SLC39A14: variants seen among roughly 807,000 people sequenced by gnomAD.
SLC39A14 encodes metal cation symporter ZIP14.
A neutral mutation model predicts 45.5 loss-of-function variants in SLC39A14; 19 were observed. The observed-to-expected ratio is 0.42, with a 90% confidence interval of 0.29 to 0.61. SLC39A14 has a LOEUF of 0.61. Ranked by LOEUF, SLC39A14 falls within the 20% of genes least tolerant of loss-of-function variation. The pLI, the probability that SLC39A14 is intolerant of heterozygous loss-of-function variation, is 0.22. For synonymous variants in SLC39A14, 264 were observed against 251.3 expected, an observed-to-expected ratio of 1.05 and a Z score of -0.48; for missense variants, 447 against 616.5, an observed-to-expected ratio of 0.73 and a Z score of 2.91.
At chr8:22,433,644 C>T (rs1337700402) in intron 8 of SLC39A14, among the ~76,000 whole-genome samples, 2 of 151,460 alleles carry the variant, frequency 1.3e-5, no homozygotes, top group Non-Finnish European at 2.9e-5. Context: ...CAGAGACCGC[C>T]CACCTCAGCC....
At chr8:22,380,867 G>T (rs1212220490) in intron 1 of SLC39A14, among the ~76,000 whole-genome samples, 1 of 152,066 alleles carries the variant, frequency 6.6e-6, no homozygotes, top group Non-Finnish European at 1.5e-5. Flanking sequence ...AGTAGAGACA[G>T]GGTTTTGCCA....
rs1334086642 is a variant in SLC39A14, at chr8:22,421,330, C to T, written c.*1632C>T. On this transcript the variant is annotated 3_prime_UTR_variant, in exon 9 of 9. Coordinates refer to ENST00000381237, the MANE Select transcript of SLC39A14 (RefSeq NM_001128431.4). ...TCTTCTTGGGAGACATCTGTCAAAC[C>T]AGGAATATTCTTGAAAAGAACGTGA... is the stretch of plus-strand genomic sequence containing the variant. 1.0e-6 allele frequency: 1 copy of T among 985,824 alleles called. No homozygotes were observed. Among genetic ancestry groups the T allele is most frequent in the Non-Finnish European group, 1.2e-6 (1 of 829,920 alleles). The allele number at this position is 985,824 out of a possible 1,614,324, so 61.1% of individuals were successfully genotyped here.
At chr8:22,428,441 C>CTTTTTTTTT (rs59846887) in intron 8 of SLC39A14, among the ~76,000 whole-genome samples, 8 of 116,408 alleles carry the variant, frequency 6.9e-5, no homozygotes, top group Non-Finnish European at 8.7e-5. Context: ...TTCATATGTT[C>CTTTTTTTTT]TTTTTTTTTT....
chr8:22,386,705 G>T (rs28459010), intron 1 of SLC39A14, among the ~76,000 whole-genome samples: 6,943 of 152,268 alleles, frequency 0.046, 367 homozygotes, highest in African/African-American at 0.13. Flanking sequence ...CCAGGTAAGA[G>T]ATTGTATTTT....
intron 1 of SLC39A14, among the ~76,000 whole-genome samples, chr8:22,381,295 GAC>G (rs936650076): frequency 3.7e-5 from 5 of 135,906 alleles, no homozygotes; most frequent in Non-Finnish European, 3.2e-5. Context: ...TTCTCCCCGA[GAC>G]AGAGTCTCGC....
At chr8:22,396,674 G>T (rs1333273897) in intron 1 of SLC39A14, among the ~76,000 whole-genome samples, 1 of 151,248 alleles carries the variant, frequency 6.6e-6, no homozygotes, top group Non-Finnish European at 1.5e-5. Flanking sequence ...TTCCTTCCAA[G>T]GGAGTCAGCC....
At chr8:22,371,376 T>C (rs893304961) in intron 1 of SLC39A14, among the ~76,000 whole-genome samples, 1 of 143,038 alleles carries the variant, frequency 7.0e-6, no homozygotes, top group Non-Finnish European at 1.5e-5. Context: ...ATAAAAAAAA[T>C]CAGATAAAAG....
chr8:22,421,524 A>G lies in SLC39A14; in HGVS notation c.*1826A>G. 1.0e-6 allele frequency: 1 copy of G among 985,608 alleles called. No homozygotes were observed. Among genetic ancestry groups the G allele is most frequent in the Non-Finnish European group, 1.2e-6 (1 of 829,734 alleles). The allele number at this position is 985,608 out of a possible 1,614,324, so 61.1% of individuals were successfully genotyped here. ...GATTATGGTCCAGTTTTACCAAAGA[A>G]CCAATTCCTTGAATGTTGGAATCTA... On this transcript the variant is annotated 3_prime_UTR_variant, in exon 9 of 9. Coordinates refer to ENST00000381237, the MANE Select transcript of SLC39A14 (RefSeq NM_001128431.4).
Position 22,415,956 on chromosome 8 carries a change from A to G in SLC39A14, c.938A>G (p.Gln313Arg), listed in dbSNP as rs759040347. The G allele has an allele frequency of 6.2e-7, 1 of 1,601,490 alleles. No individual in the cohort carries two copies. The highest frequency in any genetic ancestry group is 1.1e-5 in the South Asian group (1 of 90,296). The change falls in exon 6 of 9, where the codon CAG (glutamine) becomes CGG (arginine). Residue 313 changes from glutamine to arginine, a missense_variant and splice_region_variant. Physicochemically the swap from Gln to Arg is conservative, Grantham distance 43 (BLOSUM62 1). Coordinates refer to ENST00000381237, the MANE Select transcript of SLC39A14 (RefSeq NM_001128431.4). ...EKVIVGSLSV[Q>R]DLQASQSACY... is the part of the protein sequence containing the mutation. Reference sequence around the variant, plus strand: ...GTCATTGTGGGCTCGCTCTCTGTGCAGGTCAGTGGGCCACCAGCTGCTTGG... The same window carrying G: ...GTCATTGTGGGCTCGCTCTCTGTGCGGGTCAGTGGGCCACCAGCTGCTTGG...
chr8:22,402,477 TA>T (rs1321420974), intron 1 of SLC39A14, among the ~76,000 whole-genome samples: 1 of 152,044 alleles, frequency 6.6e-6, no homozygotes, highest in Non-Finnish European at 1.5e-5. Context: ...TGTTTTATCT[TA>T]AAAAATTCTG....
intron 6 of SLC39A14, 29 bp downstream of exon 6, chr8:22,415,986 G>A (rs1339622956): frequency 6.2e-7 from 1 of 1,601,156 alleles, no homozygotes. Context: ...GCTTGGTGGA[G>A]CCTCTAAGAG....
At chr8:22,374,740 C>CTTTT (rs67116858) in intron 1 of SLC39A14, among the ~76,000 whole-genome samples, 28 of 104,022 alleles carry the variant, frequency 2.7e-4, no homozygotes, top group African/African-American at 8.7e-4. Context: ...CCAGCCTGCT[C>CTTTT]TTTTTTTTTT....
At chr8:22,385,676 C>G (rs1372549013) in intron 1 of SLC39A14, among the ~76,000 whole-genome samples, 1 of 152,084 alleles carries the variant, frequency 6.6e-6, no homozygotes, top group African/African-American at 2.4e-5. Flanking sequence ...ACACAGTGGT[C>G]TATAGACCAG....
At chr8:22,407,224 G>A (rs1427324699) in intron 2 of SLC39A14, among the ~76,000 whole-genome samples, 3 of 152,174 alleles carry the variant, frequency 2.0e-5, no homozygotes, top group African/African-American at 2.4e-5. Context: ...GCAGAGCCCC[G>A]CCCTTAGACA....
chr8:22,380,218 G>T (rs1833433343), intron 1 of SLC39A14, among the ~76,000 whole-genome samples: 1 of 152,166 alleles, frequency 6.6e-6, no homozygotes, highest in Admixed American at 6.5e-5. Context: ...AGGGATGACT[G>T]TACCAGCAAC....
At chr8:22,376,494 T>A (rs142981828) in intron 1 of SLC39A14, among the ~76,000 whole-genome samples, 1 of 151,840 alleles carries the variant, frequency 6.6e-6, no homozygotes, top group African/African-American at 2.4e-5. Flanking sequence ...TGTTGGAGTA[T>A]TTTTTTACTG....
chr8:22,397,445 G>C (rs1481996297), intron 1 of SLC39A14, among the ~76,000 whole-genome samples: 1 of 152,214 alleles, frequency 6.6e-6, no homozygotes, highest in Non-Finnish European at 1.5e-5. Flanking sequence ...GGGCGTGGTG[G>C]TGGGCGCCTG....
intron 1 of SLC39A14, among the ~76,000 whole-genome samples, chr8:22,401,543 CTTTTTTTTTTTTTT>C (rs71544899): frequency 1.2e-5 from 1 of 84,054 alleles, no homozygotes; most frequent in Non-Finnish European, 2.0e-5. Context: ...TCTTCTCTTT[CTTTTTTTTTTTTTT>C]TTTTTTTTGA....
intron 1 of SLC39A14, among the ~76,000 whole-genome samples, chr8:22,375,894 A>G (rs1833189173): frequency 6.6e-6 from 1 of 152,200 alleles, no homozygotes; most frequent in African/African-American, 2.4e-5. Flanking sequence ...GAATTCCTTT[A>G]TATTCCTCAC....
Sources: gnomAD v4.1 joint callset for allele counts (sites outside exome capture counted in the v4.1 genomes callset) on GRCh38, gnomAD v4.1.1 for gene constraint, MANE v1.5 for transcripts, NCBI Gene and HGNC (gene_info 2026-07-23, HGNC 2026-07-21) for gene names.